Variants in BACH2 observed in about 807,000 individuals in gnomAD.
BACH2 encodes BACH transcriptional regulator 2, also known as transcription regulator protein BACH2.
Under a neutral mutation model 61.8 loss-of-function variants are expected in BACH2, and 5 were observed. The ratio of observed to expected loss-of-function variants is 0.08; its 90% CI spans 0.04 to 0.17. The LOEUF (loss-of-function observed/expected upper bound fraction) is 0.17, where lower values mean the gene tolerates loss of function less well. BACH2 is among the 10% of genes least tolerant of loss of function. The pLI is 1.00. For synonymous variants in BACH2, 446 were observed against 440.1 expected, an observed-to-expected ratio of 1.01 and a Z score of -0.17; for missense variants, 824 against 1,091.1, an observed-to-expected ratio of 0.76 and a Z score of 3.45.
intron 4 of BACH2, among the ~76,000 whole-genome samples, chr6:90,096,650 G>A (rs1351391883): frequency 6.6e-6 from 1 of 152,210 alleles, no homozygotes; most frequent in African/African-American, 2.4e-5. Context: ...AACCAGAGGA[G>A]AGACATTGCC....
intron 4 of BACH2, among the ~76,000 whole-genome samples, chr6:90,091,164 T>C (rs1782142982): frequency 6.6e-6 from 1 of 152,206 alleles, no homozygotes; most frequent in Non-Finnish European, 1.5e-5. Flanking sequence ...CATTACTATG[T>C]TGACTCATTG....
At chr6:90,035,562 G>A (rs567992264) in intron 5 of BACH2, among the ~76,000 whole-genome samples, 14 of 152,028 alleles carry the variant, frequency 9.2e-5, no homozygotes, top group African/African-American at 3.4e-4. Context: ...AAATTCACCG[G>A]GACTAAAATC....
rs182781435 is a variant in BACH2, at chr6:90,122,759, C to G, written c.-161-33650G>C. 3.8e-3 allele frequency among the ~76,000 whole-genome samples: 584 copies of G among 152,262 alleles called. 4 individuals are homozygous for G. Among genetic ancestry groups the G allele is most frequent in the Non-Finnish European group, 3.4e-3 (234 of 68,016 alleles). On this transcript the variant is annotated intron_variant, in intron 4 of 8. Coordinates refer to ENST00000257749, the MANE Select transcript of BACH2 (RefSeq NM_021813.4). ...CCAGCCCCTCTGATGGCTGAGAAAA[C>G]TGCTTGACAAGAGGGAGACCCACCA...
rs781715671 is a variant in BACH2 at position 89,932,363 on chromosome 6, G to A, written c.*45C>T. The stretch of plus-strand genomic sequence containing the variant: ...CAGTGCCACAGGCTGACTGAAGAAC[G>A]CCTGGATGGGAGAGGTGTGCGGACT... On this transcript the variant is annotated 3_prime_UTR_variant, in exon 9 of 9. Transcript: ENST00000257749. The A allele has an allele frequency of 9.5e-6, 15 of 1,584,178 alleles. No homozygotes were observed. The highest frequency in any genetic ancestry group is 3.4e-5 in the South Asian group (3 of 87,376).
chr6:89,983,941 C>T (rs532680512), intron 6 of BACH2, among the ~76,000 whole-genome samples: 2 of 152,276 alleles, frequency 1.3e-5, no homozygotes, highest in African/African-American at 2.4e-5. Flanking sequence ...TTGCTTAGTC[C>T]GTTGCAACAA....
rs545466695 is a variant in BACH2 at position 90,096,686 on chromosome 6, C to T, written c.-161-7577G>A. Among the ~76,000 whole-genome samples the T allele has an allele frequency of 4.6e-5, 7 of 152,310 alleles. No homozygotes were observed. In the East Asian group the frequency reaches 7.7e-4, roughly 17 times the overall value. The stretch of plus-strand genomic sequence containing the variant: ...CTGGGGATCTGCCTTTGCCAGCCCT[C>T]GAGTCCTAGGCCAGAGTTCATCTGC... On this transcript the variant is annotated intron_variant, in intron 4 of 8. Coordinates refer to ENST00000257749, the MANE Select transcript of BACH2 (RefSeq NM_021813.4).
chr6:90,180,165 A>G (rs1018738048), intron 4 of BACH2, among the ~76,000 whole-genome samples: 1 of 152,176 alleles, frequency 6.6e-6, no homozygotes, highest in Non-Finnish European at 1.5e-5. Flanking sequence ...ACAATATATG[A>G]AAAATAAAAA....
chr6:90,024,205 T>C (rs764813500), intron 5 of BACH2, among the ~76,000 whole-genome samples: 1 of 152,114 alleles, frequency 6.6e-6, no homozygotes, highest in Non-Finnish European at 1.5e-5. Context: ...ACAACTCAAG[T>C]ATTGAGCACC....
At chr6:89,969,517 G>A (rs955504679) in intron 6 of BACH2, among the ~76,000 whole-genome samples, 4 of 152,156 alleles carry the variant, frequency 2.6e-5, no homozygotes, top group South Asian at 2.1e-4. Context: ...CTACCACTAC[G>A]CTTGGATGGG....
intron 5 of BACH2, among the ~76,000 whole-genome samples, chr6:90,013,853 C>A (rs915323682): frequency 6.6e-6 from 1 of 151,904 alleles, no homozygotes; most frequent in African/African-American, 2.4e-5. Context: ...ACTCATGGCT[C>A]ACTGCAACCT....
At chr6:90,002,984 T>C (rs185047973) in intron 6 of BACH2, among the ~76,000 whole-genome samples, 1 of 152,260 alleles carries the variant, frequency 6.6e-6, no homozygotes, top group East Asian at 1.9e-4. Flanking sequence ...CTTCAAAATA[T>C]CACCAGAATC....
chr6:90,118,698 G>A (rs992604657), intron 4 of BACH2, among the ~76,000 whole-genome samples: 1 of 152,138 alleles, frequency 6.6e-6, no homozygotes, highest in Non-Finnish European at 1.5e-5. Flanking sequence ...AAGAAAAGTT[G>A]ACCATATTAA....
At chr6:90,287,322 A>C (rs1310079557) in intron 1 of BACH2, among the ~76,000 whole-genome samples, 1 of 152,196 alleles carries the variant, frequency 6.6e-6, no homozygotes, top group East Asian at 1.9e-4. Flanking sequence ...TAAATTTATC[A>C]ATTCAATTTG....
intron 5 of BACH2, among the ~76,000 whole-genome samples, chr6:90,050,466 C>T (rs1379350604): frequency 6.6e-6 from 1 of 152,020 alleles, no homozygotes; most frequent in Non-Finnish European, 1.5e-5. Flanking sequence ...TGAATTTTTT[C>T]ATATAATGAA....
At chr6:90,185,499 T>TG (rs1476132926) in intron 4 of BACH2, among the ~76,000 whole-genome samples, 6 of 152,192 alleles carry the variant, frequency 3.9e-5, no homozygotes, top group Non-Finnish European at 8.8e-5. Flanking sequence ...ACATTAAAAA[T>TG]GTCACTAAAA....
At chr6:90,091,506 T>C (rs1039976867) in intron 4 of BACH2, among the ~76,000 whole-genome samples, 5 of 152,162 alleles carry the variant, frequency 3.3e-5, no homozygotes, top group African/African-American at 1.2e-4. Flanking sequence ...CAGGTTCTTT[T>C]AGATTTATAG....
intron 3 of BACH2, among the ~76,000 whole-genome samples, chr6:90,217,156 G>C (rs982162515): frequency 3.9e-5 from 6 of 152,162 alleles, no homozygotes; most frequent in Admixed American, 3.9e-4. Context: ...GGAAGAAGTG[G>C]AACAGCTTCA....
chr6:90,103,023 ATATATATTTTTT>A (rs1782731716), intron 4 of BACH2, among the ~76,000 whole-genome samples: 1 of 28,296 alleles, frequency 3.5e-5, no homozygotes, highest in African/African-American at 2.1e-4. Context: ...ATATATATAT[ATATATATTTTTT>A]TTTTTTTTTT....
At chr6:90,263,729 C>T (rs1002609860) in intron 2 of BACH2, among the ~76,000 whole-genome samples, 1 of 152,194 alleles carries the variant, frequency 6.6e-6, no homozygotes, top group African/African-American at 2.4e-5. Context: ...TGTGCTAACA[C>T]ATCAGCTTTT....
Sources: allele counts gnomAD v4.1 joint callset (sites outside exome capture counted in the v4.1 genomes callset), GRCh38; gene constraint gnomAD v4.1.1; transcripts MANE v1.5; gene names NCBI Gene and HGNC (gene_info 2026-07-23, HGNC 2026-07-21).